Variants in BICC1 observed in about 807,000 individuals in gnomAD.
The protein encoded by BICC1 is BicC family RNA binding protein 1.
BICC1 carries 43 observed loss-of-function variants against 111.0 expected under a neutral mutation model. That is an observed-to-expected ratio of 0.39 (90% CI 0.30 to 0.50). The LOEUF (loss-of-function observed/expected upper bound fraction) is 0.50, where lower values mean the gene tolerates loss of function less well. BICC1 is among the 20% of genes least tolerant of loss of function. BICC1 has a pLI of 0.88. For missense variants in BICC1, 1,091 were observed against 1,203.2 expected (o/e 0.91, Z 1.38); for synonymous variants, 467 against 434.4 (o/e 1.07, Z -0.93).
At chr10:58,794,668 C>T (rs1843294769) in intron 9 of BICC1, among the ~76,000 whole-genome samples, 1 of 152,142 alleles carries the variant, frequency 6.6e-6, no homozygotes, top group Non-Finnish European at 1.5e-5. Context: ...AATCCACCCA[C>T]CACAGCCTCC....
chr10:58,601,234 C>T (rs1161357200), intron 1 of BICC1, among the ~76,000 whole-genome samples: 1 of 146,978 alleles, frequency 6.8e-6, no homozygotes, highest in Non-Finnish European at 1.5e-5. Context: ...CTGGCATACA[C>T]ATTTTGATCT....
intron 8 of BICC1, among the ~76,000 whole-genome samples, chr10:58,791,034 T>C (rs900425695): frequency 2.6e-5 from 4 of 152,222 alleles, no homozygotes; most frequent in African/African-American, 4.8e-5. Context: ...TCAGAAAATC[T>C]AAGTTTTTAT....
At chr10:58,719,100 A>C (rs1014418032) in intron 3 of BICC1, among the ~76,000 whole-genome samples, 10 of 152,168 alleles carry the variant, frequency 6.6e-5, no homozygotes, top group African/African-American at 2.4e-4. Flanking sequence ...ATCCATATGT[A>C]AAAGTATTTA....
At chr10:58,707,799 C>T (rs576893911) in intron 3 of BICC1, among the ~76,000 whole-genome samples, 8 of 152,102 alleles carry the variant, frequency 5.3e-5, no homozygotes, top group African/African-American at 1.4e-4. Flanking sequence ...CTGGGTTAAG[C>T]GATTGTCCTG....
intron 3 of BICC1, among the ~76,000 whole-genome samples, chr10:58,724,435 A>T (rs1189592236): frequency 6.6e-6 from 1 of 152,052 alleles, no homozygotes; most frequent in African/African-American, 2.4e-5. Flanking sequence ...GCACATATAC[A>T]AATACTTAAG....
At chr10:58,600,850 T>C (rs1440903371) in intron 1 of BICC1, among the ~76,000 whole-genome samples, 1 of 152,036 alleles carries the variant, frequency 6.6e-6, no homozygotes, top group Non-Finnish European at 1.5e-5. Flanking sequence ...ATATAATACA[T>C]GTAACATAGA....
intron 2 of BICC1, among the ~76,000 whole-genome samples, chr10:58,627,025 C>G (rs1837653157): frequency 6.6e-6 from 1 of 152,018 alleles, no homozygotes; most frequent in Non-Finnish European, 1.5e-5. Context: ...TCGCTTGAAC[C>G]TGGGAGGCAG....
At chr10:58,762,213 G>A (rs566765743) in intron 3 of BICC1, among the ~76,000 whole-genome samples, 6 of 152,212 alleles carry the variant, frequency 3.9e-5, no homozygotes, top group Admixed American at 3.9e-4. Flanking sequence ...GTAAGTGAAA[G>A]CTGGAGAATG....
At chr10:58,698,719 G>T (rs902617699) in intron 2 of BICC1, among the ~76,000 whole-genome samples, 2 of 152,124 alleles carry the variant, frequency 1.3e-5, no homozygotes, top group African/African-American at 4.8e-5. Flanking sequence ...AAATACAAGG[G>T]CTAATATCAA....
intron 17 of BICC1, among the ~76,000 whole-genome samples, chr10:58,807,660 A>G (rs1843750583): frequency 6.6e-6 from 1 of 152,214 alleles, no homozygotes; most frequent in African/African-American, 2.4e-5. Flanking sequence ...TATGTTTCCC[A>G]GATGTTGGCT....
chr10:58,533,976 C>T (rs1842755628), intron 1 of BICC1, among the ~76,000 whole-genome samples: 1 of 151,760 alleles, frequency 6.6e-6, no homozygotes, highest in African/African-American at 2.4e-5. Context: ...AAAAGACATA[C>T]AGTGGCTGAA....
At chr10:58,642,658 A>G (rs967169167) in intron 2 of BICC1, among the ~76,000 whole-genome samples, 1 of 137,132 alleles carries the variant, frequency 7.3e-6, no homozygotes, top group African/African-American at 2.7e-5. Context: ...TCCTGACAAT[A>G]TGAACCATTT....
rs34105707 is a variant in BICC1 at position 58,692,836 on chromosome 10, C to CT, written c.238-9226dup. Reference sequence around the variant, plus strand: ...ATCACTTCCTCAGGGATATCTCCATCTTTTTTTTTTTTGATTTTTTTTTTA... The same window carrying CT: ...ATCACTTCCTCAGGGATATCTCCATCTTTTTTTTTTTTTGATTTTTTTTTTA... On this transcript the variant is annotated intron_variant, in intron 2 of 20. Coordinates refer to ENST00000373886, the MANE Select transcript of BICC1 (RefSeq NM_001080512.3). Among the ~76,000 whole-genome samples the CT allele has an allele frequency of 3.4e-3, 477 of 140,738 alleles. 3 individuals carry two copies. Among genetic ancestry groups the CT allele is most frequent in the African/African-American group, 9.3e-3 (365 of 39,222 alleles). 92.3% of individuals were successfully genotyped at this position (140,738 alleles called of 152,430 possible).
At position 58,539,992 on chromosome 10, in the gene BICC1, AT is replaced by A. The variant is rs988682894; in HGVS notation, c.190+26660del. Among the ~76,000 whole-genome samples, 730 of 152,130 alleles carry A rather than the reference AT, an allele frequency of 4.8e-3. 10 individuals carry two copies. Among genetic ancestry groups the A allele is most frequent in the African/African-American group, 0.017 (711 of 41,560 alleles). ...ACAAGAAAAACTAGAAAATTCACAAATATGTGGAAATTAAACAACACACTCT... is the reference window on the plus strand; with the variant it reads ...ACAAGAAAAACTAGAAAATTCACAAAATGTGGAAATTAAACAACACACTCT... On this transcript the variant is annotated intron_variant, in intron 1 of 20. Transcript: ENST00000373886.
At position 58,830,585 on chromosome 10, in the gene BICC1, AG is replaced by A. The variant is rs1424688224; in HGVS notation, c.*1695del. 1 of 152,218 alleles carries A rather than the reference AG, an allele frequency of 6.6e-6. No homozygotes were observed. Among genetic ancestry groups the A allele is most frequent in the Non-Finnish European group, 1.5e-5 (1 of 68,028 alleles). 9.4% of individuals were successfully genotyped at this position (152,218 alleles called of 1,614,324 possible). On this transcript the variant is annotated 3_prime_UTR_variant, in exon 21 of 21. Transcript: ENST00000373886. Reference sequence around the variant, plus strand: ...CCATTACAGTAAGAACAAGAATTGAAGAGGCATTTTGCACACAGAAACATTC... The same window carrying A: ...CCATTACAGTAAGAACAAGAATTGAAAGGCATTTTGCACACAGAAACATTC...
rs578033533 is a variant in BICC1, at chr10:58,810,926, G to A, written c.2377-2904G>A. On this transcript the variant is annotated intron_variant, in intron 17 of 20. Coordinates refer to ENST00000373886, the MANE Select transcript of BICC1 (RefSeq NM_001080512.3). ...GACAGGTGAGGGCTGCTCACTCGGT[G>A]TGCCAGGGACCAAATGTTTCCTGCT... is the stretch of plus-strand genomic sequence containing the variant. 4.6e-5 allele frequency among the ~76,000 whole-genome samples: 7 copies of A among 152,314 alleles called. No individual in the cohort carries two copies. The South Asian group carries it at 6.2e-4, about 14-fold the overall frequency.
At chr10:58,784,089 G>A (rs1469658513) in intron 3 of BICC1, among the ~76,000 whole-genome samples, 6 of 151,886 alleles carry the variant, frequency 4.0e-5, no homozygotes. Flanking sequence ...CTCATAGCTG[G>A]TACTTCCTCA....
chr10:58,671,342 C>T (rs1293289979), intron 2 of BICC1, among the ~76,000 whole-genome samples: 2 of 152,162 alleles, frequency 1.3e-5, no homozygotes, highest in Admixed American at 1.3e-4. Context: ...ACCCAAGATT[C>T]TTCCACCTTT....
chr10:58,689,979 A>T (rs1235930907), intron 2 of BICC1, among the ~76,000 whole-genome samples: 3 of 152,198 alleles, frequency 2.0e-5, no homozygotes, highest in Non-Finnish European at 4.4e-5. Flanking sequence ...CCTGTATGGG[A>T]TAAGAAGTAA....
Sources: gnomAD v4.1 joint callset for allele counts (sites outside exome capture counted in the v4.1 genomes callset) on GRCh38, gnomAD v4.1.1 for gene constraint, MANE v1.5 for transcripts, NCBI Gene and HGNC (gene_info 2026-07-23, HGNC 2026-07-21) for gene names.